The following BCR variants were observed in gnomAD, a reference collection of about 807,000 sequenced individuals.
BCR encodes the protein BCR activator of RhoGEF and GTPase.
Under a neutral mutation model 138.6 loss-of-function variants are expected in BCR, and 58 were observed. The ratio of observed to expected loss-of-function variants is 0.42; its 90% CI spans 0.34 to 0.52. BCR has a LOEUF of 0.52. BCR is among the 20% of genes least tolerant of loss of function. The pLI is 0.06. For missense variants in BCR, 1,599 were observed against 1,727.2 expected (o/e 0.93, Z 1.32); for synonymous variants, 786 against 730.1 (o/e 1.08, Z -1.23).
chr22:23,199,320 T>TG lies in BCR; in HGVS notation c.1279+17082dup. The TG allele has an allele frequency of 5.8e-6, 3 of 518,758 alleles. 1 individual carries two copies. The highest frequency in any genetic ancestry group is 4.2e-5 in the South Asian group (3 of 71,546). 32.1% of individuals were successfully genotyped at this position (518,758 alleles called of 1,614,324 possible). A position where few individuals can be genotyped will look rare whatever the true frequency, so the allele number is the denominator to read the frequency against. On this transcript the variant is annotated intron_variant, in intron 1 of 22. Transcript: ENST00000305877. ...AAGCATCGGAGACTGGGTCCCGCCATGCCTGTGTCATCTCCTGGCTTCCCC... is the reference window on the plus strand; with the variant it reads ...AAGCATCGGAGACTGGGTCCCGCCATGGCCTGTGTCATCTCCTGGCTTCCCC...
At chr22:23,262,686 G>A (rs377225376) in intron 4 of BCR, 15 of 676,638 alleles carry the variant, frequency 2.2e-5, no homozygotes, top group East Asian at 1.4e-4. Flanking sequence ...TGGGGCCGCC[G>A]GGAATGGCGG....
At chr22:23,292,280 C>G (rs991023718) in intron 14 of BCR, among the ~76,000 whole-genome samples, 1 of 152,142 alleles carries the variant, frequency 6.6e-6, no homozygotes, top group Non-Finnish European at 1.5e-5. Flanking sequence ...GTTTGTGGAT[C>G]GACTGAGTGA....
chr22:23,232,142 C>T (rs2072965865), intron 1 of BCR, among the ~76,000 whole-genome samples: 2 of 152,268 alleles, frequency 1.3e-5, no homozygotes. Context: ...TGGCCAAGGA[C>T]AGGGCCTGCT....
chr22:23,226,614 C>T (rs966672647), intron 1 of BCR, among the ~76,000 whole-genome samples: 16 of 152,172 alleles, frequency 1.1e-4, no homozygotes, highest in African/African-American at 3.6e-4. Context: ...CTGTCTGCTG[C>T]CTGTTTTTGT....
chr22:23,262,627 G>C (rs907758214), intron 4 of BCR: 3 of 268,478 alleles, frequency 1.1e-5, no homozygotes, highest in Non-Finnish European at 1.7e-5. Context: ...GCTGGGCTCC[G>C]CGTCGGGCTG....
chr22:23,285,959 C>T (rs1445413907), intron 10 of BCR, among the ~76,000 whole-genome samples: 2 of 152,226 alleles, frequency 1.3e-5, no homozygotes, highest in African/African-American at 4.8e-5. Flanking sequence ...CTTCCGGGTT[C>T]TCACCTCTGG....
intron 1 of BCR, among the ~76,000 whole-genome samples, chr22:23,211,342 C>T (rs1350465936): frequency 1.3e-5 from 2 of 151,728 alleles, no homozygotes; most frequent in Non-Finnish European, 2.9e-5. Flanking sequence ...GGACTACAGG[C>T]GCCCGCCACT....
chr22:23,181,702 G>A lies in BCR; in HGVS notation c.742G>A (p.Asp248Asn), dbSNP rs2072265455. ...CTGCGGCGTCGACGGCGACTACGAGGACGCCGAGTTGAACCCCCGCTTCCT... is the reference window on the plus strand; with the variant it reads ...CTGCGGCGTCGACGGCGACTACGAGAACGCCGAGTTGAACCCCCGCTTCCT... Reference protein sequence around the residue: ...SSCGVDGDYEDAELNPRFLKD... With the variant: ...SSCGVDGDYENAELNPRFLKD... Residue 248 changes from aspartate (D) to asparagine (N), a missense_variant, in exon 1 of 23, where the codon GAC becomes AAC. Around this residue, in one of 4 missense-constraint regions of BCR, gnomAD observed 806 missense variants for 635.0 expected, o/e 1.27. Transcript: ENST00000305877. The A allele has an allele frequency of 2.5e-6, 4 of 1,604,508 alleles. No individual in the cohort carries two copies. The highest frequency in any genetic ancestry group is 1.7e-5 in the Admixed American group (1 of 60,002).
At chr22:23,192,326 T>G (rs754578916) in intron 1 of BCR, among the ~76,000 whole-genome samples, 1 of 152,174 alleles carries the variant, frequency 6.6e-6, no homozygotes, top group Non-Finnish European at 1.5e-5. Context: ...TGAGTGGTTG[T>G]GTTAATCACA....
chr22:23,282,559 C>T (rs925666603), intron 8 of BCR, among the ~76,000 whole-genome samples: 2 of 152,236 alleles, frequency 1.3e-5, no homozygotes, highest in African/African-American at 2.4e-5. Flanking sequence ...CTGTTGCCTC[C>T]GGCCCCAGAA....
At position 23,271,790 on chromosome 22, in the gene BCR, G is replaced by A. The variant is rs186155929; in HGVS notation, c.1921+198G>A. 1.5e-4 allele frequency among the ~76,000 whole-genome samples: 23 copies of A among 152,258 alleles called. No individual in the cohort carries two copies. In the South Asian group the frequency reaches 3.3e-3, roughly 22 times the overall value. On this transcript the variant is annotated intron_variant, in intron 6 of 22. Transcript: ENST00000305877. ...GGAAGGATACCATCAGGACCAGTTT[G>A]CCACCAACATTAGCAACAAGGTGCT...
intron 1 of BCR, among the ~76,000 whole-genome samples, chr22:23,227,428 G>A (rs1164593320): frequency 6.6e-6 from 1 of 152,212 alleles, no homozygotes; most frequent in African/African-American, 2.4e-5. Flanking sequence ...CAGGTAATGG[G>A]GGAATTAGCT....
chr22:23,299,918 G>A (rs985874553), intron 16 of BCR, among the ~76,000 whole-genome samples: 1 of 152,138 alleles, frequency 6.6e-6, no homozygotes, highest in Non-Finnish European at 1.5e-5. Flanking sequence ...GGGTCGGGGA[G>A]TTCAGAGTTT....
In BCR at chr22:23,314,678, C is replaced by A. The variant is rs536707819; in HGVS notation, c.3690C>A (p.Thr1230=). ...KLPANPSQPI[T]MTDSWSLEVM... Reference sequence around the variant, plus strand: ...CTGCCAACCCCAGCCAGCCTATCACCATGACTGACAGCTGGTCCTTGGAGG... The same window carrying A: ...CTGCCAACCCCAGCCAGCCTATCACAATGACTGACAGCTGGTCCTTGGAGG... Residue 1230 remains threonine, a synonymous_variant, in exon 22 of 23, where the codon ACC becomes ACA. Coordinates refer to ENST00000305877, the MANE Select transcript of BCR (RefSeq NM_004327.4). 6.2e-7 allele frequency: 1 copy of A among 1,611,948 alleles called. No individual in the cohort carries two copies. Among genetic ancestry groups the A allele is most frequent in the African/African-American group, 1.3e-5 (1 of 74,960 alleles).
chr22:23,267,978 A>G (rs1008875797), intron 4 of BCR, among the ~76,000 whole-genome samples: 3 of 152,074 alleles, frequency 2.0e-5, no homozygotes, highest in Non-Finnish European at 4.4e-5. Context: ...GGGACTGGAC[A>G]TGCGTGGAAC....
intron 4 of BCR, chr22:23,263,757 C>G: frequency 7.0e-7 from 1 of 1,428,400 alleles, no homozygotes; most frequent in Non-Finnish European, 9.9e-7. Flanking sequence ...AAGGGGGCAT[C>G]ATATCATTGT....
intron 1 of BCR, among the ~76,000 whole-genome samples, chr22:23,241,036 C>T (rs2073084509): frequency 6.6e-6 from 1 of 152,238 alleles, no homozygotes; most frequent in African/African-American, 2.4e-5. Context: ...CTGAATAATA[C>T]TCCTTTACAT....
intron 1 of BCR, among the ~76,000 whole-genome samples, chr22:23,247,745 C>A (rs1050992838): frequency 2.6e-5 from 4 of 152,198 alleles, no homozygotes; most frequent in Non-Finnish European, 5.9e-5. Context: ...TCCTGGGAGC[C>A]CACCGTTCCA....
intron 2 of BCR, among the ~76,000 whole-genome samples, chr22:23,258,355 C>T (rs533760176): frequency 1.4e-4 from 21 of 152,270 alleles, no homozygotes; most frequent in South Asian, 8.3e-4. Context: ...GCTCCCTCCC[C>T]GGGCAGTGGA....
Sources: allele counts gnomAD v4.1 joint callset (sites outside exome capture counted in the v4.1 genomes callset), GRCh38; gene constraint gnomAD v4.1.1; regional missense constraint gnomAD v4.1.1; transcripts MANE v1.5; gene names NCBI Gene and HGNC (gene_info 2026-07-23, HGNC 2026-07-21).